The following SPOCK1 variants were observed in gnomAD, a reference collection of about 807,000 sequenced individuals.
SPOCK1 encodes SPARC (osteonectin), cwcv and kazal like domains proteoglycan 1.
SPOCK1 carries 23 observed loss-of-function variants against 55.3 expected under a neutral mutation model. The observed-to-expected ratio is 0.42, with a 90% CI of 0.30 to 0.59. The LOEUF is 0.59. Among genes scored for constraint, SPOCK1 ranks in the 20% least tolerant of loss-of-function variants. The pLI is 0.22. For missense variants in SPOCK1, 499 were observed against 552.5 expected, an observed-to-expected ratio of 0.90 and a Z score of 0.97; for synonymous variants, 226 against 221.0, an observed-to-expected ratio of 1.02 and a Z score of -0.20.
chr5:136,979,259 A>G (rs570244465), intron 10 of SPOCK1, 73 bp downstream of exon 10: 145 of 1,581,544 alleles, frequency 9.2e-5, no homozygotes, highest in Non-Finnish European at 1.2e-4. Context: ...ATTCTTCTGC[A>G]GAGATCCTTA....
intron 2 of SPOCK1, among the ~76,000 whole-genome samples, chr5:137,488,754 C>A (rs1754114299): frequency 6.6e-6 from 1 of 152,174 alleles, no homozygotes; most frequent in African/African-American, 2.4e-5. Context: ...CTTCCCTGCT[C>A]CAATCACAGG....
chr5:137,290,566 T>C (rs78796456), intron 2 of SPOCK1, among the ~76,000 whole-genome samples: 2 of 152,244 alleles, frequency 1.3e-5, no homozygotes, highest in East Asian at 3.8e-4. Flanking sequence ...CACTTTGTGG[T>C]AAGTCCATTC....
intron 2 of SPOCK1, among the ~76,000 whole-genome samples, chr5:137,359,931 G>A (rs1017895904): frequency 3.9e-5 from 6 of 152,154 alleles, no homozygotes; most frequent in Non-Finnish European, 5.9e-5. Flanking sequence ...AGAGACCCTC[G>A]TGGTGACAAA....
intron 3 of SPOCK1, among the ~76,000 whole-genome samples, chr5:137,188,337 C>T (rs1448554226): frequency 6.6e-6 from 1 of 152,180 alleles, no homozygotes. Flanking sequence ...AGGTTTGTGG[C>T]AACCTGAGTT....
At chr5:137,223,349 G>T (rs1383781695) in intron 3 of SPOCK1, among the ~76,000 whole-genome samples, 1 of 151,822 alleles carries the variant, frequency 6.6e-6, no homozygotes, top group Non-Finnish European at 1.5e-5. Context: ...GAAACAACAG[G>T]TGTAGCTATG....
At chr5:137,217,994 A>T (rs907258304) in intron 3 of SPOCK1, among the ~76,000 whole-genome samples, 2 of 152,214 alleles carry the variant, frequency 1.3e-5, no homozygotes, top group African/African-American at 4.8e-5. Flanking sequence ...AAGGAGAAGG[A>T]GATTTGGCAA....
At chr5:137,083,613 A>C (rs1205143615) in intron 5 of SPOCK1, among the ~76,000 whole-genome samples, 1 of 152,142 alleles carries the variant, frequency 6.6e-6, no homozygotes. Context: ...CTAGTGATGA[A>C]AGCCAGGTAT....
chr5:137,482,890 C>T (rs1753979332), intron 2 of SPOCK1, among the ~76,000 whole-genome samples: 1 of 152,198 alleles, frequency 6.6e-6, no homozygotes, highest in Admixed American at 6.5e-5. Flanking sequence ...CTCTCTGATT[C>T]ACAGTGCAGC....
intron 3 of SPOCK1, among the ~76,000 whole-genome samples, chr5:137,196,466 C>T (rs550612235): frequency 2.0e-4 from 30 of 152,326 alleles, no homozygotes; most frequent in Non-Finnish European, 3.7e-4. Context: ...CCAGGCTTTC[C>T]TTACTCTCTG....
chr5:137,004,209 G>C (rs1751201139), intron 6 of SPOCK1, among the ~76,000 whole-genome samples: 1 of 152,160 alleles, frequency 6.6e-6, no homozygotes, highest in South Asian at 2.1e-4. Context: ...GAATAATCCT[G>C]GAGATGCCTG....
chr5:137,262,954 T>C (rs1406897528), intron 3 of SPOCK1, among the ~76,000 whole-genome samples: 1 of 152,222 alleles, frequency 6.6e-6, no homozygotes, highest in Non-Finnish European at 1.5e-5. Context: ...CTCAGTGCTA[T>C]TGTTGAAAGT....
chr5:137,205,831 A>G (rs1350858595), intron 3 of SPOCK1, among the ~76,000 whole-genome samples: 2 of 152,232 alleles, frequency 1.3e-5, no homozygotes, highest in Non-Finnish European at 2.9e-5. Context: ...CATAGCACTT[A>G]CATGTACTCG....
intron 2 of SPOCK1, among the ~76,000 whole-genome samples, chr5:137,392,393 T>C (rs1224318745): frequency 6.6e-6 from 1 of 152,234 alleles, no homozygotes; most frequent in African/African-American, 2.4e-5. Flanking sequence ...ATGACTCCTA[T>C]GACTGGAATG....
chr5:137,097,635 G>A (rs1239102427), intron 5 of SPOCK1, among the ~76,000 whole-genome samples: 2 of 152,144 alleles, frequency 1.3e-5, no homozygotes, highest in African/African-American at 4.8e-5. Flanking sequence ...TGCAATGCTG[G>A]GCAGGCTTTT....
At chr5:137,171,860 C>A (rs1754760799) in intron 3 of SPOCK1, among the ~76,000 whole-genome samples, 1 of 152,128 alleles carries the variant, frequency 6.6e-6, no homozygotes, top group Non-Finnish European at 1.5e-5. Context: ...TTCTAATAAA[C>A]ATATGTTATA....
At chr5:137,415,407 C>A (rs891124378) in intron 2 of SPOCK1, among the ~76,000 whole-genome samples, 1 of 152,182 alleles carries the variant, frequency 6.6e-6, no homozygotes, top group Non-Finnish European at 1.5e-5. Context: ...GGTTAAGAAG[C>A]ATACTGTGAG....
intron 2 of SPOCK1, among the ~76,000 whole-genome samples, chr5:137,486,096 G>C (rs1222460589): frequency 1.3e-5 from 2 of 152,168 alleles, no homozygotes; most frequent in Non-Finnish European, 2.9e-5. Context: ...CAACAGCCCT[G>C]ACAAGGCTAA....
chr5:137,273,632 T>C (rs1388885838), intron 2 of SPOCK1, among the ~76,000 whole-genome samples: 1 of 152,150 alleles, frequency 6.6e-6, no homozygotes, highest in African/African-American at 2.4e-5. Context: ...GAAATCTGAG[T>C]GTGGTCTAGT....
At chr5:137,183,323 A>G (rs1359543418) in intron 3 of SPOCK1, among the ~76,000 whole-genome samples, 1 of 152,194 alleles carries the variant, frequency 6.6e-6, no homozygotes, top group Non-Finnish European at 1.5e-5. Context: ...CAACAAAGAA[A>G]AAAGTCAGGA....
Sources: allele counts gnomAD v4.1 joint callset (sites outside exome capture counted in the v4.1 genomes callset), GRCh38; gene constraint gnomAD v4.1.1; transcripts MANE v1.5; gene names NCBI Gene and HGNC (gene_info 2026-07-23, HGNC 2026-07-21).